CNTNAP5: variants seen among roughly 807,000 people sequenced by gnomAD.
CNTNAP5 encodes the protein contactin-associated protein-like 5.
A neutral mutation model predicts 150.2 loss-of-function variants in CNTNAP5; 72 were observed. The observed-to-expected ratio is 0.48, with a 90% CI of 0.40 to 0.58. CNTNAP5 has a LOEUF of 0.58. Ranked by LOEUF, CNTNAP5 falls within the 20% of genes least tolerant of loss-of-function variation. CNTNAP5 has a pLI of 0.00. For missense variants in CNTNAP5, 1,636 were observed against 1,626.2 expected (o/e 1.01, Z -0.10); for synonymous variants, 672 against 619.8 (o/e 1.08, Z -1.25).
intron 13 of CNTNAP5, among the ~76,000 whole-genome samples, chr2:124,649,365 G>A (rs990899108): frequency 2.6e-5 from 4 of 152,148 alleles, no homozygotes; most frequent in African/African-American, 9.7e-5. Context: ...AAGCCTGCAC[G>A]TGCTACCTCA....
intron 12 of CNTNAP5, among the ~76,000 whole-genome samples, chr2:124,629,765 C>A (rs72974525): frequency 9.8e-4 from 128 of 130,736 alleles, no homozygotes; most frequent in Non-Finnish European, 1.6e-3. Flanking sequence ...TCAATGGATC[C>A]AGGAGCTGTT....
chr2:124,711,855 C>T (rs1024720753), intron 13 of CNTNAP5, among the ~76,000 whole-genome samples: 1 of 151,990 alleles, frequency 6.6e-6, no homozygotes, highest in Non-Finnish European at 1.5e-5. Flanking sequence ...AAAACAATAA[C>T]AATAATTTAT....
At chr2:124,088,064 T>A (rs1334782087) in intron 1 of CNTNAP5, among the ~76,000 whole-genome samples, 1 of 152,190 alleles carries the variant, frequency 6.6e-6, no homozygotes, top group Non-Finnish European at 1.5e-5. Flanking sequence ...GGAACTCTGA[T>A]GACACAAATT....
chr2:124,345,143 A>C (rs973411490), intron 3 of CNTNAP5, among the ~76,000 whole-genome samples: 4 of 152,204 alleles, frequency 2.6e-5, no homozygotes, highest in South Asian at 2.1e-4. Context: ...ATTGTGAAAA[A>C]CATTTCAGTG....
At chr2:124,109,199 A>T (rs546838570) in intron 1 of CNTNAP5, among the ~76,000 whole-genome samples, 2 of 152,218 alleles carry the variant, frequency 1.3e-5, no homozygotes, top group Admixed American at 1.3e-4. Flanking sequence ...TTTTTAACTG[A>T]TGTCCCAGGG....
intron 22 of CNTNAP5, among the ~76,000 whole-genome samples, chr2:124,907,742 T>C (rs934472208): frequency 6.6e-6 from 1 of 151,154 alleles, no homozygotes. Flanking sequence ...GAAGTACTAT[T>C]GAAATAAATG....
At chr2:124,218,671 A>G (rs1397007026) in intron 1 of CNTNAP5, among the ~76,000 whole-genome samples, 2 of 152,150 alleles carry the variant, frequency 1.3e-5, no homozygotes, top group Non-Finnish European at 2.9e-5. Context: ...GAAAACGGAC[A>G]GTAGGGAATG....
rs11299541 is a variant in CNTNAP5 at position 124,450,556 on chromosome 2, C to CAA, written c.918+3642_918+3643dup. On this transcript the variant is annotated intron_variant, in intron 6 of 23. Transcript: ENST00000682447. ...GACAAGAGCTCACAGAATCTGCTGT[C>CAA]AAAAAAAAAAAAAAAAAAAAAAAAG... Among the ~76,000 whole-genome samples the CAA allele has an allele frequency of 5.0e-3, 322 of 64,918 alleles. 1 individual carries two copies. Among genetic ancestry groups the CAA allele is most frequent in the African/African-American group, 0.013 (215 of 16,068 alleles). The allele number at this position is 64,918 out of a possible 152,430, so 42.6% of individuals were successfully genotyped here.
chr2:124,355,083 A>C (rs1378881753), intron 3 of CNTNAP5, among the ~76,000 whole-genome samples: 1 of 150,554 alleles, frequency 6.6e-6, no homozygotes, highest in African/African-American at 2.4e-5. Flanking sequence ...TCTATTTATA[A>C]TATAATATAT....
rs70996052 is a variant in CNTNAP5 at position 124,232,799 on chromosome 2, C to CA, written c.188-9395dup. ...ACTGGCTTCTAATGAATCTTTTCTA[C>CA]AAAAAATATCCATGGCAATCAGAAA... On this transcript the variant is annotated intron_variant, in intron 2 of 23. Coordinates refer to ENST00000682447, the MANE Select transcript of CNTNAP5 (RefSeq NM_001367498.1). 3.2e-3 allele frequency among the ~76,000 whole-genome samples: 486 copies of CA among 152,152 alleles called. 2 individuals are homozygous for CA. Among genetic ancestry groups the CA allele is most frequent in the Non-Finnish European group, 5.3e-3 (362 of 67,980 alleles).
chr2:124,042,115 C>A (rs1448983070), intron 1 of CNTNAP5, among the ~76,000 whole-genome samples: 1 of 152,162 alleles, frequency 6.6e-6, no homozygotes, highest in African/African-American at 2.4e-5. Flanking sequence ...CCTGCCTCGG[C>A]CCCGCAAAGT....
chr2:124,868,922 G>A (rs1273919831), intron 20 of CNTNAP5, among the ~76,000 whole-genome samples: 8 of 152,128 alleles, frequency 5.3e-5, no homozygotes, highest in African/African-American at 1.7e-4. Context: ...AGTAGGATAT[G>A]GCTAGCCTGA....
At chr2:124,506,276 A>G (rs867675754) in intron 8 of CNTNAP5, among the ~76,000 whole-genome samples, 12 of 152,064 alleles carry the variant, frequency 7.9e-5, no homozygotes, top group African/African-American at 2.2e-4. Context: ...TTGCCTGTGC[A>G]TTGTTCTTTG....
chr2:124,178,851 C>T (rs1026991752), intron 1 of CNTNAP5, among the ~76,000 whole-genome samples: 19 of 152,136 alleles, frequency 1.2e-4, no homozygotes, highest in African/African-American at 4.3e-4. Context: ...TAGATAGCAA[C>T]AGCAATAGTT....
chr2:124,747,416 T>C, intron 14 of CNTNAP5, 31 bp downstream of exon 14: 1 of 1,612,320 alleles, frequency 6.2e-7, no homozygotes, highest in Middle Eastern at 1.7e-4. Context: ...TCTGCAATTG[T>C]AGAGAAAGCA....
At chr2:124,590,892 A>G (rs530738436) in intron 11 of CNTNAP5, among the ~76,000 whole-genome samples, 1 of 152,310 alleles carries the variant, frequency 6.6e-6, no homozygotes, top group Non-Finnish European at 1.5e-5. Flanking sequence ...TCGCTGTCTG[A>G]ATACTATCAT....
At chr2:124,597,951 C>T (rs982314830) in intron 11 of CNTNAP5, among the ~76,000 whole-genome samples, 5 of 127,484 alleles carry the variant, frequency 3.9e-5, no homozygotes, top group Admixed American at 2.6e-4. Context: ...CCTGAGGCTT[C>T]TGCATTCTTC....
chr2:124,079,058 T>C (rs1212179381), intron 1 of CNTNAP5, among the ~76,000 whole-genome samples: 4 of 152,158 alleles, frequency 2.6e-5, no homozygotes, highest in Admixed American at 2.0e-4. Context: ...CAGGGCTAGA[T>C]GCAGAAACAG....
chr2:124,312,894 G>A (rs1421041171), intron 3 of CNTNAP5, among the ~76,000 whole-genome samples: 3 of 152,232 alleles, frequency 2.0e-5, no homozygotes, highest in East Asian at 3.9e-4. Context: ...TAGTAGAGAC[G>A]GGGTTTTGCC....
Sources: allele counts gnomAD v4.1 joint callset (sites outside exome capture counted in the v4.1 genomes callset), GRCh38; gene constraint gnomAD v4.1.1; transcripts MANE v1.5; gene names NCBI Gene and HGNC (gene_info 2026-07-23, HGNC 2026-07-21).